GPATCH2: variants seen among roughly 807,000 people sequenced by gnomAD.
The protein encoded by GPATCH2 is G-patch domain containing 2.
Under a neutral mutation model 58.0 loss-of-function variants are expected in GPATCH2, and 51 were observed. The ratio of observed to expected loss-of-function variants is 0.88; its 90% CI spans 0.70 to 1.11. The LOEUF is 1.11. GPATCH2 is among the 50% of genes most tolerant of loss of function. The pLI, the probability that GPATCH2 is intolerant of heterozygous loss-of-function variation, is 0.00. For missense variants in GPATCH2, 625 were observed against 652.2 expected, an observed-to-expected ratio of 0.96 and a Z score of 0.45; for synonymous variants, 222 against 218.5, an observed-to-expected ratio of 1.02 and a Z score of -0.14.
chr1:217,620,286 T>C lies in GPATCH2; in HGVS notation c.270A>G (p.Glu90=), dbSNP rs747880214. Residue 90 remains glutamate (E), a synonymous_variant, in exon 2 of 10, where the codon GAA becomes GAG. Coordinates refer to ENST00000366935, the MANE Select transcript of GPATCH2 (RefSeq NM_018040.5). ...GTTCTTCTAAACTAGAATCAGAGCC[T>C]TCACTTAAGCAGTGACCAGTCTCCC... The part of the protein sequence containing the change: ...HPWETGHCLS[E]GSDSSLEEPS... 3.7e-6 allele frequency: 6 copies of C among 1,613,922 alleles called. No individual in the cohort carries two copies. In the Admixed American group the frequency reaches 1.0e-4, roughly 27 times the overall value.
chr1:217,623,408 ATT>A (rs1183891786), intron 1 of GPATCH2, among the ~76,000 whole-genome samples: 3 of 152,104 alleles, frequency 2.0e-5, no homozygotes, highest in Admixed American at 2.0e-4. Context: ...TCTTCAATTA[ATT>A]TTGTTTAAAA....
At chr1:217,535,894 T>A (rs1664436910) in intron 5 of GPATCH2, among the ~76,000 whole-genome samples, 1 of 152,330 alleles carries the variant, frequency 6.6e-6, no homozygotes, top group South Asian at 2.1e-4. Context: ...AAAAATGTTT[T>A]AAAATTTTTA....
intron 5 of GPATCH2, among the ~76,000 whole-genome samples, chr1:217,590,891 G>A (rs1168292176): frequency 6.6e-6 from 1 of 152,208 alleles, no homozygotes; most frequent in Non-Finnish European, 1.5e-5. Context: ...AGGTCACACA[G>A]CCAGTAAATC....
In GPATCH2 at chr1:217,630,899, A is replaced by G; in HGVS notation, c.56+17T>C. The G allele has an allele frequency of 6.3e-7, 1 of 1,578,950 alleles. No individual in the cohort carries two copies. Among genetic ancestry groups the G allele is most frequent in the Non-Finnish European group, 8.6e-7 (1 of 1,166,418 alleles). On this transcript the variant is annotated intron_variant, in intron 1 of 9. Transcript: ENST00000366935. ...ACCCTTCCCTGACCTCCCCCTCCCC[A>G]GGGCCGCCAGCCTCACCAGCTGTTC... is the stretch of plus-strand genomic sequence containing the variant.
At chr1:217,435,746 C>T (rs1275431226) in intron 9 of GPATCH2, among the ~76,000 whole-genome samples, 1 of 152,108 alleles carries the variant, frequency 6.6e-6, no homozygotes, top group Admixed American at 6.5e-5. Context: ...AATTTAGGGA[C>T]ATGGATTTTT....
chr1:217,480,718 C>G (rs1459136017), intron 8 of GPATCH2, among the ~76,000 whole-genome samples: 2 of 152,084 alleles, frequency 1.3e-5, no homozygotes, highest in Non-Finnish European at 2.9e-5. Flanking sequence ...CAGTTCACAA[C>G]AGCCAAGATT....
chr1:217,484,798 G>C (rs1413811216), intron 8 of GPATCH2, among the ~76,000 whole-genome samples: 3 of 150,558 alleles, frequency 2.0e-5, no homozygotes, highest in African/African-American at 7.3e-5. Context: ...ATCCCATATA[G>C]ATATATATGT....
chr1:217,584,344 A>AATATAT (rs71556690), intron 5 of GPATCH2, among the ~76,000 whole-genome samples: 24 of 101,730 alleles, frequency 2.4e-4, no homozygotes, highest in South Asian at 1.0e-3. Flanking sequence ...AAAAAAAAAA[A>AATATAT]ATATATATAT....
intron 9 of GPATCH2, among the ~76,000 whole-genome samples, chr1:217,444,677 C>T (rs1387075192): frequency 2.0e-5 from 3 of 152,086 alleles, no homozygotes; most frequent in Non-Finnish European, 4.4e-5. Context: ...TTGCATATAT[C>T]CTAGGCTTTA....
At chr1:217,513,650 G>A (rs1662965393) in intron 6 of GPATCH2, among the ~76,000 whole-genome samples, 2 of 151,906 alleles carry the variant, frequency 1.3e-5, no homozygotes, top group African/African-American at 4.8e-5. Flanking sequence ...GGAAATTCAA[G>A]CAATAATTTA....
intron 8 of GPATCH2, among the ~76,000 whole-genome samples, chr1:217,488,131 T>G (rs531127692): frequency 6.6e-6 from 1 of 152,244 alleles, no homozygotes; most frequent in Non-Finnish European, 1.5e-5. Flanking sequence ...TGATCCATAT[T>G]CACTGAAATT....
chr1:217,567,431 TA>T (rs1231910889), intron 5 of GPATCH2, among the ~76,000 whole-genome samples: 1 of 152,224 alleles, frequency 6.6e-6, no homozygotes, highest in African/African-American at 2.4e-5. Flanking sequence ...ACCATTAATG[TA>T]ATGTCTTATA....
chr1:217,506,905 G>A (rs1481010052), intron 6 of GPATCH2, among the ~76,000 whole-genome samples: 1 of 152,140 alleles, frequency 6.6e-6, no homozygotes, highest in Non-Finnish European at 1.5e-5. Flanking sequence ...CCATCTCAAT[G>A]TCTAGTTCAA....
At chr1:217,559,153 T>C (rs187775408) in intron 5 of GPATCH2, among the ~76,000 whole-genome samples, 1 of 152,236 alleles carries the variant, frequency 6.6e-6, no homozygotes, top group Admixed American at 6.5e-5. Context: ...AAAAACATAT[T>C]TGTTTTATAG....
At chr1:217,436,799 C>A (rs150309889) in intron 9 of GPATCH2, among the ~76,000 whole-genome samples, 1 of 152,016 alleles carries the variant, frequency 6.6e-6, no homozygotes, top group Non-Finnish European at 1.5e-5. Flanking sequence ...TTCAGCTGCC[C>A]GAAGTCAATT....
At chr1:217,573,583 G>T (rs1179182276) in intron 5 of GPATCH2, among the ~76,000 whole-genome samples, 1 of 152,110 alleles carries the variant, frequency 6.6e-6, no homozygotes, top group Non-Finnish European at 1.5e-5. Flanking sequence ...ATGAACTTTG[G>T]AGGGGCTGAA....
chr1:217,484,629 GCA>G (rs1661370957), intron 8 of GPATCH2, among the ~76,000 whole-genome samples: 1 of 147,564 alleles, frequency 6.8e-6, no homozygotes, highest in Admixed American at 6.8e-5. Context: ...ACATGCATAT[GCA>G]CACGTGTATA....
At chr1:217,455,876 A>C (rs1659918585) in intron 8 of GPATCH2, among the ~76,000 whole-genome samples, 1 of 152,056 alleles carries the variant, frequency 6.6e-6, no homozygotes, top group Admixed American at 6.6e-5. Flanking sequence ...GACAGACAAA[A>C]GAGCAGAAGC....
intron 5 of GPATCH2, among the ~76,000 whole-genome samples, chr1:217,524,878 G>GAGAAGA (rs1663771076): frequency 7.0e-4 from 1 of 1,422 alleles, no homozygotes; most frequent in Non-Finnish European, 2.7e-3. Flanking sequence ...AGGGGAGAGG[G>GAGAAGA]GGGAGGGGGG....
Sources: allele counts gnomAD v4.1 joint callset (sites outside exome capture counted in the v4.1 genomes callset), GRCh38; gene constraint gnomAD v4.1.1; transcripts MANE v1.5; gene names NCBI Gene and HGNC (gene_info 2026-07-23, HGNC 2026-07-21).